The following TMTC2 variants were observed in gnomAD, a reference collection of about 807,000 sequenced individuals.
The protein encoded by TMTC2 is transmembrane O-mannosyltransferase targeting cadherins 2.
TMTC2 carries 43 observed loss-of-function variants against 82.4 expected under a neutral mutation model. That is an observed-to-expected ratio of 0.52 (90% CI 0.41 to 0.67). The LOEUF (loss-of-function observed/expected upper bound fraction) is 0.67, where lower values mean the gene tolerates loss of function less well. Ranked by LOEUF, TMTC2 falls within the 30% of genes least tolerant of loss-of-function variation. The pLI is 0.00. For synonymous variants in TMTC2, 408 were observed against 381.9 expected (o/e 1.07, Z -0.80); for missense variants, 919 against 1,012.4 (o/e 0.91, Z 1.25).
At chr12:83,097,506 T>C (rs1339323676) in intron 11 of TMTC2, among the ~76,000 whole-genome samples, 2 of 152,222 alleles carry the variant, frequency 1.3e-5, no homozygotes, top group African/African-American at 4.8e-5. Flanking sequence ...TATTCTTTCA[T>C]TTAACAAATA....
intron 2 of TMTC2, among the ~76,000 whole-genome samples, chr12:82,866,863 TG>T (rs1871893220): frequency 6.6e-6 from 1 of 152,182 alleles, no homozygotes; most frequent in Non-Finnish European, 1.5e-5. Context: ...AAGGCATGAA[TG>T]GGGTGGTGTA....
At chr12:82,750,699 A>G (rs1193832760) in intron 1 of TMTC2, among the ~76,000 whole-genome samples, 1 of 152,122 alleles carries the variant, frequency 6.6e-6, no homozygotes, top group Non-Finnish European at 1.5e-5. Context: ...TTCAGACACT[A>G]TACAAAGTGC....
At chr12:83,052,652 G>A (rs1267844545) in intron 10 of TMTC2, among the ~76,000 whole-genome samples, 3 of 152,052 alleles carry the variant, frequency 2.0e-5, no homozygotes, top group African/African-American at 2.4e-5. Flanking sequence ...TATCAACAAG[G>A]CATTTTGCTA....
intron 9 of TMTC2, 116 bp downstream of exon 9, chr12:83,030,995 G>A: frequency 1.4e-6 from 1 of 717,084 alleles, no homozygotes. Flanking sequence ...TGTTATTGCA[G>A]ATTTAGCCTC....
intron 4 of TMTC2, among the ~76,000 whole-genome samples, chr12:82,958,890 CTCTT>C (rs1877762000): frequency 1.3e-5 from 2 of 152,102 alleles, no homozygotes; most frequent in African/African-American, 4.8e-5. Context: ...GTCAAACTAA[CTCTT>C]TACTGATAGC....
intron 3 of TMTC2, among the ~76,000 whole-genome samples, chr12:82,920,307 A>G (rs531828442): frequency 6.6e-6 from 1 of 152,350 alleles, no homozygotes; most frequent in Non-Finnish European, 1.5e-5. Context: ...AATTTACTCT[A>G]TAAACTTAAA....
intron 1 of TMTC2, among the ~76,000 whole-genome samples, chr12:82,724,326 G>A (rs186081768): frequency 9.9e-5 from 15 of 152,232 alleles, no homozygotes; most frequent in African/African-American, 1.7e-4. Context: ...GATATGGTTT[G>A]GCTCTCTGTC....
intron 2 of TMTC2, among the ~76,000 whole-genome samples, chr12:82,880,525 A>C (rs1872768806): frequency 6.6e-6 from 1 of 152,192 alleles, no homozygotes; most frequent in Non-Finnish European, 1.5e-5. Flanking sequence ...AGTAGGGAGT[A>C]AGAAGCCAGA....
intron 8 of TMTC2, among the ~76,000 whole-genome samples, chr12:83,012,456 C>T (rs1259441507): frequency 1.3e-5 from 2 of 152,006 alleles, no homozygotes; most frequent in Non-Finnish European, 2.9e-5. Context: ...AAGTCCTCAG[C>T]ATTAAGAAGG....
chr12:82,873,341 T>C (rs1029022437), intron 2 of TMTC2, among the ~76,000 whole-genome samples: 8 of 149,696 alleles, frequency 5.3e-5, no homozygotes, highest in Non-Finnish European at 1.2e-4. Flanking sequence ...GTGAAGCCCC[T>C]GTTTTTTCAC....
intron 11 of TMTC2, among the ~76,000 whole-genome samples, chr12:83,063,475 T>G (rs1390918312): frequency 6.6e-6 from 1 of 151,852 alleles, no homozygotes; most frequent in Non-Finnish European, 1.5e-5. Context: ...TATTGAGCAC[T>G]TATTATTATG....
intron 1 of TMTC2, among the ~76,000 whole-genome samples, chr12:82,774,952 C>T (rs76023050): frequency 6.6e-6 from 1 of 151,892 alleles, no homozygotes; most frequent in Non-Finnish European, 1.5e-5. Context: ...ATGTTGTATT[C>T]TAAAGGAATA....
chr12:82,708,903 A>G (rs1251470471), intron 1 of TMTC2, among the ~76,000 whole-genome samples: 1 of 150,398 alleles, frequency 6.6e-6, no homozygotes, highest in Non-Finnish European at 1.5e-5. Context: ...TCTGGTATCC[A>G]TTTTTCTCAT....
At chr12:82,854,755 T>C (rs1871168077) in intron 1 of TMTC2, among the ~76,000 whole-genome samples, 1 of 152,176 alleles carries the variant, frequency 6.6e-6, no homozygotes, top group Non-Finnish European at 1.5e-5. Context: ...TATTGAACAT[T>C]TAGAAAAGTC....
chr12:83,092,330 G>A (rs910853453), intron 11 of TMTC2, among the ~76,000 whole-genome samples: 2 of 152,122 alleles, frequency 1.3e-5, no homozygotes, highest in East Asian at 3.9e-4. Context: ...TAGAGCATTG[G>A]CCTCTTCTGC....
chr12:82,913,862 A>G (rs796654263), intron 3 of TMTC2, among the ~76,000 whole-genome samples: 14 of 152,334 alleles, frequency 9.2e-5, no homozygotes, highest in African/African-American at 3.4e-4. Flanking sequence ...AAATCCCTGC[A>G]TACTCAATTC....
chr12:82,687,713 C>G, intron 1 of TMTC2, 44 bp downstream of exon 1: 1 of 1,556,858 alleles, frequency 6.4e-7, no homozygotes, highest in Non-Finnish European at 8.8e-7. Context: ...AGGGGGCACA[C>G]TCCGCAGTGG....
chr12:82,934,756 C>T (rs1207190212), intron 4 of TMTC2, among the ~76,000 whole-genome samples: 1 of 152,084 alleles, frequency 6.6e-6, no homozygotes. Context: ...ATTGCTGGGT[C>T]AAATGGTATT....
chr12:83,043,557 C>G (rs972706923), intron 9 of TMTC2, among the ~76,000 whole-genome samples: 1 of 152,150 alleles, frequency 6.6e-6, no homozygotes, highest in Admixed American at 6.6e-5. Context: ...GCTGGTGGAA[C>G]AAAACCAAAC....
Sources: allele counts gnomAD v4.1 joint callset (sites outside exome capture counted in the v4.1 genomes callset), GRCh38; gene constraint gnomAD v4.1.1; transcripts MANE v1.5; gene names NCBI Gene and HGNC (gene_info 2026-07-23, HGNC 2026-07-21).